Variants in CAMKMT observed in about 807,000 individuals in gnomAD.
CAMKMT encodes calmodulin-lysine N-methyltransferase.
A neutral mutation model predicts 48.0 loss-of-function variants in CAMKMT; 53 were observed. That is an observed-to-expected ratio of 1.10 (90% CI 0.89 to 1.39). The LOEUF (loss-of-function observed/expected upper bound fraction) is 1.39, where lower values mean the gene tolerates loss of function less well. Among genes scored for constraint, CAMKMT ranks in the 40% most tolerant of loss-of-function variants. The pLI, the probability that CAMKMT is intolerant of heterozygous loss-of-function variation, is 0.00. For missense variants in CAMKMT, 428 were observed against 402.7 expected (o/e 1.06, Z -0.54); for synonymous variants, 165 against 152.3 (o/e 1.08, Z -0.61).
intron 3 of CAMKMT, among the ~76,000 whole-genome samples, chr2:44,594,257 A>T (rs989125883): frequency 6.6e-6 from 1 of 152,216 alleles, no homozygotes; most frequent in Admixed American, 6.5e-5. Context: ...TATAAATTCA[A>T]TGCTATCCCC....
chr2:44,566,383 G>T (rs1213265141), intron 3 of CAMKMT, among the ~76,000 whole-genome samples: 1 of 152,134 alleles, frequency 6.6e-6, no homozygotes, highest in Non-Finnish European at 1.5e-5. Context: ...GTAGCTTATT[G>T]TTGTATTACA....
intron 3 of CAMKMT, among the ~76,000 whole-genome samples, chr2:44,560,676 A>G (rs992595401): frequency 2.0e-5 from 3 of 152,242 alleles, no homozygotes; most frequent in African/African-American, 7.2e-5. Context: ...GGTATATTTA[A>G]GCTCTTTGGA....
chr2:44,607,667 T>C (rs1380345161), intron 3 of CAMKMT, among the ~76,000 whole-genome samples: 2 of 152,226 alleles, frequency 1.3e-5, no homozygotes, highest in Non-Finnish European at 2.9e-5. Flanking sequence ...GTTACAGTGA[T>C]TTAAGTGCAG....
chr2:44,363,742 T>C (rs1250318612), intron 1 of CAMKMT, among the ~76,000 whole-genome samples: 1 of 146,474 alleles, frequency 6.8e-6, no homozygotes, highest in African/African-American at 2.5e-5. Flanking sequence ...CAGACGTGAG[T>C]GCAATGGCGC....
chr2:44,414,484 G>C (rs1404727598), intron 3 of CAMKMT, among the ~76,000 whole-genome samples: 1 of 152,154 alleles, frequency 6.6e-6, no homozygotes, highest in African/African-American at 2.4e-5. Flanking sequence ...AGATGCTTCA[G>C]TTTTTCACCC....
chr2:44,509,155 A>G (rs1452913954), intron 3 of CAMKMT, among the ~76,000 whole-genome samples: 1 of 152,042 alleles, frequency 6.6e-6, no homozygotes, highest in Non-Finnish European at 1.5e-5. Context: ...ACACTGAAGC[A>G]CAGAAAGGTG....
chr2:44,628,948 G>C (rs761874212), intron 3 of CAMKMT, among the ~76,000 whole-genome samples: 12 of 152,052 alleles, frequency 7.9e-5, no homozygotes, highest in Non-Finnish European at 1.6e-4. Flanking sequence ...TGGTTTATCT[G>C]GGTAAATGTT....
At chr2:44,763,431 C>T (rs960142864) in intron 9 of CAMKMT, among the ~76,000 whole-genome samples, 1 of 152,208 alleles carries the variant, frequency 6.6e-6, no homozygotes, top group Non-Finnish European at 1.5e-5. Flanking sequence ...TTAGATTACT[C>T]AACTTCTGGA....
intron 3 of CAMKMT, among the ~76,000 whole-genome samples, chr2:44,519,350 G>A (rs1430836791): frequency 6.6e-6 from 1 of 152,170 alleles, no homozygotes; most frequent in Non-Finnish European, 1.5e-5. Flanking sequence ...TTTGTAGAGA[G>A]CATTATATAT....
At chr2:44,673,707 G>A (rs786180) in intron 3 of CAMKMT, among the ~76,000 whole-genome samples, 19,341 of 152,050 alleles carry the variant, frequency 0.13, 1,282 homozygotes, top group Middle Eastern at 0.16. Context: ...CAAAATAAGC[G>A]TTAAGGAAAG....
chr2:44,673,289 T>C (rs1338952376), intron 3 of CAMKMT, among the ~76,000 whole-genome samples: 1 of 151,858 alleles, frequency 6.6e-6, no homozygotes, highest in African/African-American at 2.4e-5. Context: ...CAGCAGGGTA[T>C]GGTGGCATGT....
intron 3 of CAMKMT, among the ~76,000 whole-genome samples, chr2:44,557,321 A>T (rs538007466): frequency 6.6e-6 from 1 of 152,092 alleles, no homozygotes; most frequent in Admixed American, 6.5e-5. Context: ...AAGTGTTAGT[A>T]CATTCTCTTA....
chr2:44,459,428 A>G (rs1327200415), intron 3 of CAMKMT, among the ~76,000 whole-genome samples: 2 of 152,190 alleles, frequency 1.3e-5, no homozygotes, highest in African/African-American at 4.8e-5. Flanking sequence ...TTACCATTAA[A>G]TGTAACATTT....
At chr2:44,430,242 C>G (rs1326574865) in intron 3 of CAMKMT, among the ~76,000 whole-genome samples, 1 of 151,944 alleles carries the variant, frequency 6.6e-6, no homozygotes, top group Non-Finnish European at 1.5e-5. Flanking sequence ...AAGTTAGGGC[C>G]TGGAATCACA....
At chr2:44,495,816 C>G (rs1344206054) in intron 3 of CAMKMT, among the ~76,000 whole-genome samples, 3 of 152,194 alleles carry the variant, frequency 2.0e-5, no homozygotes, top group Non-Finnish European at 4.4e-5. Flanking sequence ...AAGAAAGCCA[C>G]CAGTGAACAG....
intron 3 of CAMKMT, among the ~76,000 whole-genome samples, chr2:44,621,266 C>CAAAAAAAAAAA (rs10667154): frequency 2.4e-4 from 20 of 84,518 alleles, no homozygotes; most frequent in African/African-American, 1.1e-3. Flanking sequence ...GACTCCATCT[C>CAAAAAAAAAAA]AAAAAAAAAA....
Position 44,647,907 on chromosome 2 carries a change from CAAAAAAA to C in CAMKMT, c.377-56358_377-56352del, listed in dbSNP as rs756753917. ...TGGGCGACAGAGTGAGACTCCGTCTCAAAAAAAAAAAAAAAAAAAAAAAAGAAACTAT... is the reference window on the plus strand; with the variant it reads ...TGGGCGACAGAGTGAGACTCCGTCTCAAAAAAAAAAAAAAAAAGAAACTAT... On this transcript the variant is annotated intron_variant, in intron 3 of 10. Coordinates refer to ENST00000378494, the MANE Select transcript of CAMKMT (RefSeq NM_024766.5). 8.5e-3 allele frequency among the ~76,000 whole-genome samples: 251 copies of C among 29,524 alleles called. 10 individuals are homozygous for C. The highest frequency in any genetic ancestry group is 9.0e-3 in the East Asian group (8 of 890). 19.4% of individuals were successfully genotyped at this position (29,524 alleles called of 152,430 possible).
At chr2:44,627,798 C>G (rs1285698985) in intron 3 of CAMKMT, among the ~76,000 whole-genome samples, 1 of 131,256 alleles carries the variant, frequency 7.6e-6, no homozygotes, top group Non-Finnish European at 1.5e-5. Context: ...CTCCCGGATT[C>G]AAGCGATTCT....
At chr2:44,685,892 T>TC (rs1676307713) in intron 3 of CAMKMT, among the ~76,000 whole-genome samples, 1 of 152,206 alleles carries the variant, frequency 6.6e-6, no homozygotes, top group South Asian at 2.1e-4. Flanking sequence ...GGTCAGATTT[T>TC]TTTTTTTAAC....
Sources: gnomAD v4.1 joint callset for allele counts (sites outside exome capture counted in the v4.1 genomes callset) on GRCh38, gnomAD v4.1.1 for gene constraint, MANE v1.5 for transcripts, NCBI Gene and HGNC (gene_info 2026-07-23, HGNC 2026-07-21) for gene names.